The following TMTC1 variants were observed in gnomAD, a reference collection of about 807,000 sequenced individuals.
The protein encoded by TMTC1 is protein O-mannosyl-transferase TMTC1.
Under a neutral mutation model 104.8 loss-of-function variants are expected in TMTC1, and 73 were observed. The observed-to-expected ratio is 0.70, with a 90% CI of 0.58 to 0.85. The LOEUF (loss-of-function observed/expected upper bound fraction) is 0.85, where lower values mean the gene tolerates loss of function less well. Ranked by LOEUF, TMTC1 falls within the 40% of genes least tolerant of loss-of-function variation. The pLI is 0.00. For synonymous variants in TMTC1, 434 were observed against 428.7 expected, an observed-to-expected ratio of 1.01 and a Z score of -0.15; for missense variants, 1,035 against 1,096.1, an observed-to-expected ratio of 0.94 and a Z score of 0.79.
intron 12 of TMTC1, among the ~76,000 whole-genome samples, chr12:29,520,200 T>C (rs1321961205): frequency 2.0e-5 from 3 of 152,202 alleles, no homozygotes; most frequent in Non-Finnish European, 4.4e-5. Flanking sequence ...AAGGAAGGAA[T>C]GATGGAACAA....
intron 5 of TMTC1, among the ~76,000 whole-genome samples, chr12:29,646,151 G>T (rs1453557478): frequency 6.6e-6 from 1 of 152,142 alleles, no homozygotes; most frequent in South Asian, 2.1e-4. Context: ...AGAAGCACCC[G>T]CCTGAGACCC....
chr12:29,654,452 C>T (rs1939662116), intron 5 of TMTC1, among the ~76,000 whole-genome samples: 1 of 152,128 alleles, frequency 6.6e-6, no homozygotes, highest in Admixed American at 6.5e-5. Context: ...GTCAAAAAGA[C>T]AAATGTTGGT....
chr12:29,760,051 C>A (rs1021785336), intron 2 of TMTC1, among the ~76,000 whole-genome samples: 2 of 152,084 alleles, frequency 1.3e-5, no homozygotes, highest in African/African-American at 4.8e-5. Flanking sequence ...TTTAGATACA[C>A]AAATACTTAC....
intron 7 of TMTC1, 152 bp from the exon 8 acceptor site, chr12:29,583,726 T>C (rs552344222): frequency 2.2e-4 from 143 of 663,188 alleles, no homozygotes; most frequent in African/African-American, 1.8e-3. Context: ...ATTAACATGT[T>C]AGTTCTCTAA....
intron 5 of TMTC1, among the ~76,000 whole-genome samples, chr12:29,731,345 C>T (rs1452239188): frequency 1.3e-5 from 2 of 152,092 alleles, no homozygotes; most frequent in Admixed American, 6.6e-5. Flanking sequence ...TTAGTAGAGA[C>T]GGCGTTTCAT....
At chr12:29,540,988 C>G (rs538021411) in intron 10 of TMTC1, among the ~76,000 whole-genome samples, 88 of 120,504 alleles carry the variant, frequency 7.3e-4, no homozygotes, top group African/African-American at 1.8e-3. Flanking sequence ...GAGTGAGACT[C>G]TGTCTCAAAA....
At chr12:29,583,721 C>T in intron 7 of TMTC1, 147 bp from the exon 8 acceptor site, 1 of 671,946 alleles carries the variant, frequency 1.5e-6, no homozygotes, top group South Asian at 2.5e-5. Context: ...ACAATATTAA[C>T]ATGTTAGTTC....
intron 2 of TMTC1, among the ~76,000 whole-genome samples, chr12:29,764,327 G>T (rs551439312): frequency 6.6e-6 from 1 of 152,254 alleles, no homozygotes; most frequent in East Asian, 1.9e-4. Flanking sequence ...TTTGTATAAA[G>T]TATACTATAT....
At chr12:29,606,918 G>A (rs1409601660) in intron 6 of TMTC1, among the ~76,000 whole-genome samples, 1 of 151,974 alleles carries the variant, frequency 6.6e-6, no homozygotes, top group Non-Finnish European at 1.5e-5. Context: ...GACCAGGTTG[G>A]GAGGTGCCTT....
chr12:29,645,861 C>T (rs1052616141), intron 5 of TMTC1, among the ~76,000 whole-genome samples: 1 of 152,172 alleles, frequency 6.6e-6, no homozygotes. Context: ...GTAGAACATT[C>T]GCTAGTTTAC....
chr12:29,716,811 C>T (rs980461396), intron 5 of TMTC1, among the ~76,000 whole-genome samples: 20 of 152,076 alleles, frequency 1.3e-4, no homozygotes, highest in Admixed American at 9.8e-4. Context: ...GTCAGGAGAT[C>T]GAGACCATCC....
rs66652706 is a variant in TMTC1 at position 29,668,454 on chromosome 12, C to CTTTTTTTTTT, written c.939-35128_939-35119dup. 5.5e-4 allele frequency among the ~76,000 whole-genome samples: 50 copies of CTTTTTTTTTT among 90,092 alleles called. 5 individuals are homozygous for CTTTTTTTTTT. The highest frequency in any genetic ancestry group is 3.8e-3 in the East Asian group (10 of 2,626). 59.1% of individuals were successfully genotyped at this position (90,092 alleles called of 152,430 possible). ...CCACATTCAAACCATACCAACTTAT[C>CTTTTTTTTTT]TTTTTTTTTTTTTTTTTTTTTTTTG... On this transcript the variant is annotated intron_variant, in intron 5 of 17. Coordinates refer to ENST00000539277, the MANE Select transcript of TMTC1 (RefSeq NM_001193451.2).
rs560042762 is a variant in TMTC1, at chr12:29,512,228, A to C, written c.2431-108T>G. On this transcript the variant is annotated intron_variant, in intron 16 of 17. Transcript: ENST00000539277. ...AAATTTAAAGTAGTAATACAATGAA[A>C]CCAGCCGCTACTAGTTCACAGGAGA... is the stretch of plus-strand genomic sequence containing the variant. 1.1e-3 allele frequency: 823 copies of C among 761,332 alleles called. 1 individual carries two copies. Among genetic ancestry groups the C allele is most frequent in the Admixed American group, 2.8e-3 (100 of 35,936 alleles). The allele number at this position is 761,332 out of a possible 1,614,324, so 47.2% of individuals were successfully genotyped here.
intron 5 of TMTC1, chr12:29,659,808 T>C: frequency 8.5e-7 from 1 of 1,170,404 alleles, no homozygotes; most frequent in South Asian, 1.5e-5. Context: ...ATATGCAAAG[T>C]CAGCCTGTAA....
intron 9 of TMTC1, among the ~76,000 whole-genome samples, chr12:29,562,285 C>T (rs1047547715): frequency 6.6e-6 from 1 of 152,176 alleles, no homozygotes; most frequent in African/African-American, 2.4e-5. Flanking sequence ...GGAAATGTGA[C>T]GCACTCTTCA....
intron 17 of TMTC1, among the ~76,000 whole-genome samples, chr12:29,510,080 C>G (rs1225120680): frequency 6.6e-6 from 1 of 152,136 alleles, no homozygotes; most frequent in Non-Finnish European, 1.5e-5. Flanking sequence ...AGAAAGGCGT[C>G]ATTAGGTGAT....
chr12:29,599,970 G>A lies in TMTC1; in HGVS notation c.1250+4208C>T, dbSNP rs55875020. Reference sequence around the variant, plus strand: ...TGTATATATATGTGTATATATATATGTGTGTGTGTGTGTGTGTATATACAT... The same window carrying A: ...TGTATATATATGTGTATATATATATATGTGTGTGTGTGTGTGTATATACAT... On this transcript the variant is annotated intron_variant, in intron 7 of 17. Transcript: ENST00000539277. Among the ~76,000 whole-genome samples, 62 of 94,300 alleles carry A rather than the reference G, an allele frequency of 6.6e-4. 1 individual carries two copies. Among genetic ancestry groups the A allele is most frequent in the Middle Eastern group, 6.2e-3 (1 of 162 alleles). 61.9% of individuals were successfully genotyped at this position (94,300 alleles called of 152,430 possible).
At chr12:29,596,461 C>T (rs1946407665) in intron 7 of TMTC1, among the ~76,000 whole-genome samples, 1 of 152,216 alleles carries the variant, frequency 6.6e-6, no homozygotes, top group Non-Finnish European at 1.5e-5. Context: ...TTCTCCCTCA[C>T]CTTTCATCAC....
intron 5 of TMTC1, among the ~76,000 whole-genome samples, chr12:29,725,816 C>T (rs889983461): frequency 3.9e-5 from 6 of 152,308 alleles, no homozygotes; most frequent in Admixed American, 1.3e-4. Context: ...ATCACTGGAG[C>T]GGACTTCCTG....
Sources: allele counts gnomAD v4.1 joint callset (sites outside exome capture counted in the v4.1 genomes callset), GRCh38; gene constraint gnomAD v4.1.1; transcripts MANE v1.5; gene names NCBI Gene and HGNC (gene_info 2026-07-23, HGNC 2026-07-21).